The following SFMBT2 variants were observed in gnomAD, a reference collection of about 807,000 sequenced individuals.
SFMBT2 encodes scm-like with four MBT domains protein 2.
SFMBT2 carries 38 observed loss-of-function variants against 110.1 expected under a neutral mutation model. The observed-to-expected ratio is 0.35, with a 90% confidence interval of 0.27 to 0.45. The LOEUF is 0.45. Among genes scored for constraint, SFMBT2 ranks in the 20% least tolerant of loss-of-function variants. The pLI is 1.00. For synonymous variants in SFMBT2, 425 were observed against 425.4 expected, an observed-to-expected ratio of 1.00 and a Z score of 0.01; for missense variants, 1,011 against 1,094.9, an observed-to-expected ratio of 0.92 and a Z score of 1.08.
chr10:7,299,751 T>C (rs1399680138), intron 4 of SFMBT2, among the ~76,000 whole-genome samples: 1 of 152,174 alleles, frequency 6.6e-6, no homozygotes, highest in East Asian at 1.9e-4. Context: ...AACATATGTG[T>C]GCATGTGTCT....
chr10:7,182,108 G>A (rs758418806), intron 16 of SFMBT2, among the ~76,000 whole-genome samples: 17 of 152,114 alleles, frequency 1.1e-4, no homozygotes, highest in Non-Finnish European at 2.4e-4. Flanking sequence ...CACCATCTTG[G>A]CTCACTGCAA....
At position 7,159,512 on chromosome 10, in the gene SFMBT2, C is replaced by T. The variant is rs1203340408; in HGVS notation, c.*4258G>A. 1 of 152,078 alleles carries T rather than the reference C, an allele frequency of 6.6e-6. No homozygotes were observed. The highest frequency in any genetic ancestry group is 1.5e-5 in the Non-Finnish European group (1 of 68,020). The allele number at this position is 152,078 out of a possible 1,614,324, so 9.4% of individuals were successfully genotyped here. A position where few individuals can be genotyped will look rare whatever the true frequency, so the allele number is the denominator to read the frequency against. ...AAGAATTATTGAATTATAATAGTTG[C>T]CAATACAGATTTCCTTTGCTATTTA... On this transcript the variant is annotated 3_prime_UTR_variant, in exon 21 of 21. Coordinates refer to ENST00000397167, the MANE Select transcript of SFMBT2 (RefSeq NM_001387889.1).
chr10:7,297,262 T>C (rs1278427258), intron 4 of SFMBT2, among the ~76,000 whole-genome samples: 1 of 152,192 alleles, frequency 6.6e-6, no homozygotes, highest in Non-Finnish European at 1.5e-5. Flanking sequence ...CTGAGAAAGC[T>C]GCAAAACACA....
chr10:7,197,885 T>C (rs1838828878), intron 14 of SFMBT2, 198 bp from the exon 15 acceptor site: 1 of 866,420 alleles, frequency 1.2e-6, no homozygotes, highest in Admixed American at 6.2e-5. Flanking sequence ...CCAGTGTCGT[T>C]AGAACTGTAA....
chr10:7,166,391 C>T (rs898709536), intron 20 of SFMBT2, among the ~76,000 whole-genome samples: 15 of 152,324 alleles, frequency 9.8e-5, no homozygotes, highest in Non-Finnish European at 1.6e-4. Flanking sequence ...ACTATCAGCA[C>T]GAAAATATTC....
chr10:7,179,208 G>T (rs916652661), intron 16 of SFMBT2, among the ~76,000 whole-genome samples: 2 of 151,872 alleles, frequency 1.3e-5, no homozygotes, highest in Admixed American at 1.3e-4. Flanking sequence ...CATGTAGTGA[G>T]AACTAGAAAG....
intron 7 of SFMBT2, chr10:7,249,462 A>G (rs1840729459): frequency 1.1e-6 from 1 of 945,384 alleles, no homozygotes; most frequent in Non-Finnish European, 1.3e-6. Flanking sequence ...GTCTGGATAA[A>G]CAGCAGTGGA....
At chr10:7,197,278 C>T (rs1164313433) in intron 15 of SFMBT2, among the ~76,000 whole-genome samples, 1 of 152,192 alleles carries the variant, frequency 6.6e-6, no homozygotes, top group Non-Finnish European at 1.5e-5. Context: ...TCCCAAAGCA[C>T]TTCATTCAAA....
intron 16 of SFMBT2, among the ~76,000 whole-genome samples, chr10:7,187,170 T>G (rs1838442350): frequency 6.6e-6 from 1 of 152,344 alleles, no homozygotes; most frequent in South Asian, 2.1e-4. Flanking sequence ...GGGAAGGTTT[T>G]AATGGGAGCT....
intron 4 of SFMBT2, among the ~76,000 whole-genome samples, chr10:7,288,288 G>A (rs1842160830): frequency 6.6e-6 from 1 of 152,164 alleles, no homozygotes; most frequent in Non-Finnish European, 1.5e-5. Flanking sequence ...AAACAAGGCC[G>A]AGTCCAGCTT....
intron 2 of SFMBT2, among the ~76,000 whole-genome samples, chr10:7,377,330 A>G (rs1845264820): frequency 6.6e-6 from 1 of 152,174 alleles, no homozygotes; most frequent in South Asian, 2.1e-4. Context: ...TTTTGGCACC[A>G]GGGACTGGTT....
intron 14 of SFMBT2, among the ~76,000 whole-genome samples, chr10:7,198,360 T>G (rs983191600): frequency 1.3e-5 from 2 of 152,256 alleles, no homozygotes; most frequent in African/African-American, 2.4e-5. Flanking sequence ...AGTGCTTTCA[T>G]GAATATGATT....
intron 9 of SFMBT2, among the ~76,000 whole-genome samples, chr10:7,235,227 C>G (rs1840219003): frequency 1.3e-5 from 2 of 151,994 alleles, no homozygotes; most frequent in African/African-American, 4.8e-5. Flanking sequence ...AAAAAAATAC[C>G]CTTGACCCTA....
intron 12 of SFMBT2, chr10:7,205,197 C>G (rs1839088714): frequency 4.8e-6 from 1 of 206,760 alleles, no homozygotes; most frequent in Non-Finnish European, 8.5e-6. Context: ...ATCCTCCCAC[C>G]TCAGCCTCCA....
chr10:7,221,424 A>T (rs1839733412), intron 10 of SFMBT2, among the ~76,000 whole-genome samples: 1 of 151,718 alleles, frequency 6.6e-6, no homozygotes, highest in Non-Finnish European at 1.5e-5. Flanking sequence ...AAATTAGCTG[A>T]GCATGGTGGC....
At chr10:7,211,741 T>C (rs1397667373) in intron 11 of SFMBT2, among the ~76,000 whole-genome samples, 1 of 152,250 alleles carries the variant, frequency 6.6e-6, no homozygotes, top group Non-Finnish European at 1.5e-5. Context: ...CACCCTGGCT[T>C]GAAATGTAAT....
intron 7 of SFMBT2, among the ~76,000 whole-genome samples, chr10:7,257,177 G>C (rs774122475): frequency 6.6e-6 from 1 of 151,610 alleles, no homozygotes; most frequent in Admixed American, 6.6e-5. Context: ...AGAGTATCAC[G>C]CTGGAAAAAG....
chr10:7,249,875 GTT>G (rs1434735424), intron 7 of SFMBT2, among the ~76,000 whole-genome samples: 1 of 152,212 alleles, frequency 6.6e-6, no homozygotes, highest in Non-Finnish European at 1.5e-5. Flanking sequence ...AAAGGTCTCT[GTT>G]TTGGGGGATG....
intron 16 of SFMBT2, chr10:7,176,496 G>T (rs929963240): frequency 2.0e-6 from 2 of 985,260 alleles, no homozygotes; most frequent in Admixed American, 6.1e-5. Flanking sequence ...TCGAAATGAG[G>T]TTAGTGAAAT....
Sources: gnomAD v4.1 joint callset for allele counts (sites outside exome capture counted in the v4.1 genomes callset) on GRCh38, gnomAD v4.1.1 for gene constraint, MANE v1.5 for transcripts, NCBI Gene and HGNC (gene_info 2026-07-23, HGNC 2026-07-21) for gene names.